Variants in DACH2 observed in about 807,000 individuals in gnomAD.
DACH2 encodes dachshund homolog 2.
A neutral mutation model predicts 35.8 loss-of-function variants in DACH2; 17 were observed. That is an observed-to-expected ratio of 0.48 (90% CI 0.33 to 0.71). The LOEUF is 0.71. Ranked by LOEUF, DACH2 falls within the 30% of genes least tolerant of loss-of-function variation. The pLI is 0.02. For missense variants in DACH2, 469 were observed against 472.7 expected (o/e 0.99, Z 0.07); for synonymous variants, 195 against 177.3 (o/e 1.10, Z -0.79).
chrX:86,616,880 G>A (rs6524677), intron 3 of DACH2, among the ~76,000 whole-genome samples: 54 of 111,538 alleles, frequency 4.8e-4, no homozygotes, highest in African/African-American at 1.7e-3. Context: ...TGTCCTCTTC[G>A]GTTTTTATAG....
chrX:86,587,668 G>C (rs192375271), intron 3 of DACH2, among the ~76,000 whole-genome samples: 27 of 111,692 alleles, frequency 2.4e-4, no homozygotes, highest in African/African-American at 8.4e-4. Flanking sequence ...GTTGTTGGCT[G>C]CTTGTATGTC....
chrX:86,747,419 T>C (rs188223724), intron 7 of DACH2, among the ~76,000 whole-genome samples: 37 of 111,372 alleles, frequency 3.3e-4, no homozygotes, highest in African/African-American at 1.2e-3. Context: ...TAAAGTTTAC[T>C]CCTCAGTACA....
In DACH2 at chrX:86,651,439, T is replaced by C. The variant is rs759147061; in HGVS notation, c.772+272T>C. ...TCCTATAATGTTAGCCATTGTGCTC[T>C]CTGCCTGACAAAGACTGGTCCACTC... On this transcript the variant is annotated intron_variant, in intron 4 of 11. Transcript: ENST00000373125. Among the ~76,000 whole-genome samples the C allele has an allele frequency of 9.1e-4, 99 of 108,666 alleles. 1 individual carries two copies. The highest frequency in any genetic ancestry group is 2.7e-3 in the South Asian group (6 of 2,194). The allele number at this position is 108,666 out of a possible 115,157, so 94.4% of individuals were successfully genotyped here. A position where few individuals can be genotyped will look rare whatever the true frequency, so the allele number is the denominator to read the frequency against.
chrX:86,792,136 T>C (rs951103992), intron 7 of DACH2, among the ~76,000 whole-genome samples: 2 of 111,773 alleles, frequency 1.8e-5, no homozygotes, highest in Non-Finnish European at 3.8e-5. Context: ...GCAGGCATGT[T>C]ACATAATTTT....
intron 7 of DACH2, among the ~76,000 whole-genome samples, chrX:86,792,920 T>C (rs924540658): frequency 8.9e-6 from 1 of 111,898 alleles, no homozygotes; most frequent in Non-Finnish European, 1.9e-5. Context: ...ATATGGTAGT[T>C]CTATTTTTAG....
At chrX:86,618,867 T>A (rs953576052) in intron 3 of DACH2, among the ~76,000 whole-genome samples, 5 of 111,922 alleles carry the variant, frequency 4.5e-5, no homozygotes, top group African/African-American at 1.6e-4. Flanking sequence ...GGAAGAAGAA[T>A]TTATACTTGC....
intron 3 of DACH2, among the ~76,000 whole-genome samples, chrX:86,525,690 T>A (rs1248835125): frequency 2.7e-5 from 3 of 111,529 alleles, no homozygotes; most frequent in Admixed American, 1.9e-4. Context: ...CAGTTTTAGC[T>A]TCCCCCTGTG....
chrX:86,331,224 G>A (rs1372986919), intron 1 of DACH2, among the ~76,000 whole-genome samples: 1 of 110,799 alleles, frequency 9.0e-6, no homozygotes, highest in Non-Finnish European at 1.9e-5. Flanking sequence ...GGTTTATCAA[G>A]TTACTCCTGT....
intron 3 of DACH2, among the ~76,000 whole-genome samples, chrX:86,609,407 T>C (rs1036881734): frequency 3.6e-5 from 4 of 112,447 alleles, no homozygotes; most frequent in Non-Finnish European, 7.5e-5. Context: ...TCAATACAAC[T>C]ATTTTGAATT....
In DACH2 at chrX:86,581,674, CAAG is replaced by C. The variant is rs1300876572; in HGVS notation, c.640+67290_640+67292del. Among the ~76,000 whole-genome samples, 3 of 111,522 alleles carry C rather than the reference CAAG, an allele frequency of 2.7e-5. No homozygotes were observed. In the Admixed American group the frequency reaches 2.9e-4, roughly 11 times the overall value. ...CATAATGGTAATTAGTTCAATTCAACAAGAAGAAGTAACTATCCTAAATATAGA... is the reference window on the plus strand; with the variant it reads ...CATAATGGTAATTAGTTCAATTCAACAAGAAGTAACTATCCTAAATATAGA... On this transcript the variant is annotated intron_variant, in intron 3 of 11. Coordinates refer to ENST00000373125, the MANE Select transcript of DACH2 (RefSeq NM_053281.3).
chrX:86,220,165 CAAAAAAAAA>C (rs57964243), intron 1 of DACH2, among the ~76,000 whole-genome samples: 11 of 50,052 alleles, frequency 2.2e-4, no homozygotes, highest in East Asian at 5.1e-4. Context: ...GACTCCATCT[CAAAAAAAAA>C]AAAAAAAAAA....
intron 1 of DACH2, among the ~76,000 whole-genome samples, chrX:86,162,802 A>G (rs1413893727): frequency 9.0e-6 from 1 of 111,261 alleles, no homozygotes; most frequent in Non-Finnish European, 1.9e-5. Context: ...TGTTTGATTG[A>G]TTCTAGCTTG....
intron 4 of DACH2, among the ~76,000 whole-genome samples, chrX:86,683,783 A>T (rs1349701731): frequency 9.0e-6 from 1 of 111,549 alleles, no homozygotes; most frequent in Non-Finnish European, 1.9e-5. Context: ...GTATTGCTTT[A>T]CATATTCTGT....
intron 1 of DACH2, among the ~76,000 whole-genome samples, chrX:86,243,317 G>T (rs2033208704): frequency 9.0e-6 from 1 of 111,720 alleles, no homozygotes. Context: ...TGTCAAATAG[G>T]TAGATTTTAG....
Position 86,523,919 on chromosome X carries a change from G to A in DACH2, c.640+9528G>A, listed in dbSNP as rs141536147. The stretch of plus-strand genomic sequence containing the variant: ...TTTTATCAGAACTCAGGCCCCTCCC[G>A]TAATCCCAATCTTGTTTCTTTACAT... On this transcript the variant is annotated intron_variant, in intron 3 of 11. Coordinates refer to ENST00000373125, the MANE Select transcript of DACH2 (RefSeq NM_053281.3). Among the ~76,000 whole-genome samples the A allele has an allele frequency of 6.1e-3, 677 of 111,511 alleles. 2 individuals carry two copies. Among genetic ancestry groups the A allele is most frequent in the Non-Finnish European group, 9.2e-3 (490 of 52,983 alleles).
At chrX:86,790,591 G>T (rs2042177767) in intron 7 of DACH2, among the ~76,000 whole-genome samples, 1 of 111,654 alleles carries the variant, frequency 9.0e-6, no homozygotes, top group Non-Finnish European at 1.9e-5. Flanking sequence ...CTGTTGCCCA[G>T]GCTGGAGTAC....
intron 1 of DACH2, among the ~76,000 whole-genome samples, chrX:86,291,214 G>A (rs1294423145): frequency 9.2e-6 from 1 of 109,052 alleles, no homozygotes; most frequent in African/African-American, 3.4e-5. Context: ...CTCATGATTT[G>A]GCTGTCTGTT....
At chrX:86,404,016 A>G (rs1437768474) in intron 2 of DACH2, among the ~76,000 whole-genome samples, 2 of 108,668 alleles carry the variant, frequency 1.8e-5, no homozygotes, top group Non-Finnish European at 1.9e-5. Flanking sequence ...TCTCATGAAA[A>G]CTCACTCACT....
At chrX:86,793,183 T>C (rs893856605) in intron 7 of DACH2, among the ~76,000 whole-genome samples, 1 of 111,290 alleles carries the variant, frequency 9.0e-6, no homozygotes, top group Non-Finnish European at 1.9e-5. Context: ...TGTCTATTCA[T>C]GTCCTTTGCC....
Sources: allele counts gnomAD v4.1 joint callset (sites outside exome capture counted in the v4.1 genomes callset), GRCh38; gene constraint gnomAD v4.1.1; transcripts MANE v1.5; gene names NCBI Gene and HGNC (gene_info 2026-07-23, HGNC 2026-07-21).